The following RAPGEF4 variants were observed in gnomAD, a reference collection of about 807,000 sequenced individuals.
The protein encoded by RAPGEF4 is Rap guanine nucleotide exchange factor 4, also known as RAP guanine-nucleotide-exchange factor (GEF) 4.
RAPGEF4 carries 66 observed loss-of-function variants against 147.9 expected under a neutral mutation model. That is an observed-to-expected ratio of 0.45 (90% CI 0.37 to 0.55). The LOEUF (loss-of-function observed/expected upper bound fraction) is 0.55. Among genes scored for constraint, RAPGEF4 ranks in the 20% least tolerant of loss-of-function variants. The pLI, the probability that RAPGEF4 is intolerant of heterozygous loss-of-function variation, is 0.00. For synonymous variants in RAPGEF4, 419 were observed against 442.7 expected (o/e 0.95, Z 0.67); for missense variants, 1,071 against 1,257.3 (o/e 0.85, Z 2.24).
At chr2:172,910,029 C>T (rs921007453) in intron 4 of RAPGEF4, among the ~76,000 whole-genome samples, 4 of 152,174 alleles carry the variant, frequency 2.6e-5, no homozygotes, top group South Asian at 2.1e-4. Context: ...AGGTGCCATG[C>T]GTGCTCTGTG....
intron 4 of RAPGEF4, among the ~76,000 whole-genome samples, chr2:172,897,732 C>CTATTTTCTTTTATTTTATTTTATTT (rs1698638904): frequency 7.5e-6 from 1 of 134,140 alleles, no homozygotes; most frequent in African/African-American, 2.8e-5. Flanking sequence ...GAGTTTTCAT[C>CTATTTTCTTTTATTTTATTTTATTT]TATTTTATTT....
In RAPGEF4 at chr2:173,038,946, G is replaced by C. The variant is rs562809047; in HGVS notation, c.2853+2254G>C. On this transcript the variant is annotated intron_variant, in intron 29 of 30. Coordinates refer to ENST00000397081, the MANE Select transcript of RAPGEF4 (RefSeq NM_007023.4). Reference sequence around the variant, plus strand: ...AGGTCACATTCAGTGGATACTAGGAGAGTGCCATTCCTCTCCCCATTTCTG... The same window carrying C: ...AGGTCACATTCAGTGGATACTAGGACAGTGCCATTCCTCTCCCCATTTCTG... Among the ~76,000 whole-genome samples, 22 of 152,262 alleles carry C rather than the reference G, an allele frequency of 1.4e-4. No individual in the cohort carries two copies. In the South Asian group the frequency reaches 1.9e-3, roughly 13 times the overall value.
intron 26 of RAPGEF4, 131 bp downstream of exon 26, chr2:173,030,385 G>A (rs367945483): frequency 2.9e-6 from 2 of 701,714 alleles, no homozygotes; most frequent in Admixed American, 2.8e-5. Context: ...CTTGGAGGGA[G>A]GTGACCTGTC....
chr2:172,808,365 C>T (rs889535347), intron 3 of RAPGEF4, among the ~76,000 whole-genome samples: 2 of 152,110 alleles, frequency 1.3e-5, no homozygotes, highest in Non-Finnish European at 2.9e-5. Flanking sequence ...CCTTTGAATA[C>T]GAGCTCCCCC....
intron 14 of RAPGEF4, among the ~76,000 whole-genome samples, chr2:172,989,755 A>T (rs928564000): frequency 2.0e-5 from 3 of 152,076 alleles, no homozygotes; most frequent in African/African-American, 7.2e-5. Flanking sequence ...CTAGGGTCAC[A>T]CTGCCCCTCT....
intron 10 of RAPGEF4, among the ~76,000 whole-genome samples, chr2:172,976,556 A>G (rs1217041502): frequency 6.6e-6 from 1 of 152,152 alleles, no homozygotes; most frequent in Admixed American, 6.5e-5. Flanking sequence ...AAAATAGAGC[A>G]TTTATTTTAG....
chr2:172,764,252 CAAAA>C (rs11297899), intron 1 of RAPGEF4, among the ~76,000 whole-genome samples: 1 of 145,448 alleles, frequency 6.9e-6, no homozygotes, highest in Admixed American at 6.8e-5. Flanking sequence ...GACCCTGTCT[CAAAA>C]AAAAAAAAAG....
intron 6 of RAPGEF4, among the ~76,000 whole-genome samples, chr2:172,931,215 G>A (rs1685933250): frequency 6.9e-6 from 1 of 144,734 alleles, no homozygotes; most frequent in Non-Finnish European, 1.5e-5. Flanking sequence ...GAACAGGTGG[G>A]AGGGGATTCC....
chr2:172,861,221 A>G (rs778421663), intron 4 of RAPGEF4, among the ~76,000 whole-genome samples: 1 of 152,170 alleles, frequency 6.6e-6, no homozygotes, highest in Non-Finnish European at 1.5e-5. Flanking sequence ...GAGCGAAGCA[A>G]GATGGAATTT....
In RAPGEF4 at chr2:172,795,049, T is replaced by C. The variant is rs1339661315; in HGVS notation, c.90T>C (p.Asp30=). The C allele has an allele frequency of 6.2e-6, 10 of 1,613,994 alleles. No individual in the cohort carries two copies. The Admixed American group carries it at 1.5e-4, about 24-fold the overall frequency. ...GACCACTGGAGCGATCCAGCGAAGA[T>C]GTGGATATAATCTTCACTCGACTGA... ...DKRPLERSSE[D]VDIIFTRLKE... Residue 30 remains aspartate (D), a synonymous_variant, in exon 2 of 31, where the codon GAT becomes GAC. Coordinates refer to ENST00000397081, the MANE Select transcript of RAPGEF4 (RefSeq NM_007023.4).
At chr2:173,013,081 C>G (rs1471518732) in intron 17 of RAPGEF4, among the ~76,000 whole-genome samples, 1 of 152,158 alleles carries the variant, frequency 6.6e-6, no homozygotes, top group Non-Finnish European at 1.5e-5. Context: ...TTTATGAAAG[C>G]CATTTTGCAA....
chr2:172,741,953 T>G (rs1245726716), intron 1 of RAPGEF4, among the ~76,000 whole-genome samples: 1 of 152,158 alleles, frequency 6.6e-6, no homozygotes, highest in African/African-American at 2.4e-5. Flanking sequence ...GACTATAGGC[T>G]TAAGCCACTG....
At chr2:172,940,902 A>C (rs1166308641) in intron 6 of RAPGEF4, among the ~76,000 whole-genome samples, 1 of 152,170 alleles carries the variant, frequency 6.6e-6, no homozygotes, top group Non-Finnish European at 1.5e-5. Flanking sequence ...TTTCTTCATC[A>C]GTATTTTGTA....
intron 1 of RAPGEF4, among the ~76,000 whole-genome samples, chr2:172,740,815 T>G (rs1694232236): frequency 6.6e-6 from 1 of 152,220 alleles, no homozygotes; most frequent in Non-Finnish European, 1.5e-5. Flanking sequence ...AAAATTAATG[T>G]ATCTTTCAGC....
intron 30 of RAPGEF4, among the ~76,000 whole-genome samples, chr2:173,049,484 T>C (rs1383750585): frequency 6.6e-6 from 1 of 152,178 alleles, no homozygotes; most frequent in Non-Finnish European, 1.5e-5. Context: ...TACTATGACA[T>C]AGACATGAAT....
At chr2:172,964,152 G>C (rs1226845870) in intron 8 of RAPGEF4, among the ~76,000 whole-genome samples, 1 of 152,124 alleles carries the variant, frequency 6.6e-6, no homozygotes, top group African/African-American at 2.4e-5. Flanking sequence ...AAGGTCTTAT[G>C]TTTGGTTCAG....
At chr2:172,875,338 A>G (rs1695778151) in intron 4 of RAPGEF4, among the ~76,000 whole-genome samples, 1 of 151,802 alleles carries the variant, frequency 6.6e-6, no homozygotes, top group South Asian at 2.1e-4. Context: ...TATGTCCTGA[A>G]TGGTATTGCC....
chr2:173,041,837 C>T (rs976820922), intron 29 of RAPGEF4, among the ~76,000 whole-genome samples: 1 of 152,126 alleles, frequency 6.6e-6, no homozygotes, highest in East Asian at 1.9e-4. Context: ...AATTGTCTTC[C>T]CCCAGTTGTC....
chr2:172,749,189 T>TC (rs1270994290), intron 1 of RAPGEF4, among the ~76,000 whole-genome samples: 1 of 151,906 alleles, frequency 6.6e-6, no homozygotes, highest in African/African-American at 2.4e-5. Context: ...TTCTCACAGC[T>TC]CTGCTAGGCA....
Sources: gnomAD v4.1 joint callset for allele counts (sites outside exome capture counted in the v4.1 genomes callset) on GRCh38, gnomAD v4.1.1 for gene constraint, MANE v1.5 for transcripts, NCBI Gene and HGNC (gene_info 2026-07-23, HGNC 2026-07-21) for gene names.